MAPK10: variants seen among roughly 807,000 people sequenced by gnomAD.
The protein encoded by MAPK10 is JNK3 alpha protein kinase.
A neutral mutation model predicts 59.3 loss-of-function variants in MAPK10; 25 were observed. The ratio of observed to expected loss-of-function variants is 0.42; its 90% CI spans 0.31 to 0.59. The LOEUF (loss-of-function observed/expected upper bound fraction) is 0.59. MAPK10 is among the 20% of genes least tolerant of loss of function. MAPK10 has a pLI of 0.15. For missense variants in MAPK10, 351 were observed against 568.9 expected (o/e 0.62, Z 3.90); for synonymous variants, 190 against 200.5 (o/e 0.95, Z 0.44).
intron 2 of MAPK10, among the ~76,000 whole-genome samples, chr4:86,308,050 C>T (rs1165166822): frequency 1.3e-5 from 2 of 152,046 alleles, no homozygotes; most frequent in African/African-American, 4.8e-5. Context: ...AAAGGCCTGT[C>T]GAAAATGACT....
At chr4:86,278,245 G>A (rs1026601823) in intron 2 of MAPK10, among the ~76,000 whole-genome samples, 6 of 152,056 alleles carry the variant, frequency 3.9e-5, no homozygotes, top group African/African-American at 1.4e-4. Flanking sequence ...CAAAAGAAAT[G>A]GCCTGGATAC....
intron 11 of MAPK10, among the ~76,000 whole-genome samples, chr4:86,038,687 GC>G (rs1473363850): frequency 6.6e-6 from 1 of 151,876 alleles, no homozygotes; most frequent in African/African-American, 2.4e-5. Context: ...TTGGCTAATG[GC>G]ACAGTTTAGC....
At position 86,310,708 on chromosome 4, in the gene MAPK10, A is replaced by G. The variant is rs551888945; in HGVS notation, c.-7+43822T>C. The stretch of plus-strand genomic sequence containing the variant: ...CCTAAACTTGAGTCTTATTTTTAAT[A>G]TATAGTTCACTTCCTTGAGACACTA... On this transcript the variant is annotated intron_variant, in intron 2 of 13. Coordinates refer to ENST00000641462, the MANE Select transcript of MAPK10 (RefSeq NM_138982.4). Among the ~76,000 whole-genome samples, 14 of 152,270 alleles carry G rather than the reference A, an allele frequency of 9.2e-5. 1 individual carries two copies. The South Asian group carries it at 2.9e-3, about 32-fold the overall frequency.
At chr4:86,204,622 G>A (rs901622034) in intron 2 of MAPK10, among the ~76,000 whole-genome samples, 5 of 151,922 alleles carry the variant, frequency 3.3e-5, no homozygotes, top group Non-Finnish European at 5.9e-5. Flanking sequence ...ACCTCAGAAC[G>A]GTGACAACTT....
chr4:86,314,056 T>C (rs1387788443), intron 2 of MAPK10, among the ~76,000 whole-genome samples: 1 of 152,112 alleles, frequency 6.6e-6, no homozygotes, highest in African/African-American at 2.4e-5. Flanking sequence ...TTTACAGACA[T>C]AATGCTGAGT....
At position 86,101,354 on chromosome 4, in the gene MAPK10, T is replaced by C. The variant is rs73837403; in HGVS notation, c.565-137A>G. On this transcript the variant is annotated intron_variant, in intron 7 of 13. Transcript: ENST00000641462. The stretch of plus-strand genomic sequence containing the variant: ...CCTACAGAGCTCTAAATAAGGCAAA[T>C]GATTACTGCTACAAATAAGTTAACT... 6.7e-3 allele frequency: 3,676 copies of C among 546,856 alleles called. 95 individuals are homozygous for C. The highest frequency in any genetic ancestry group is 0.062 in the African/African-American group (3,310 of 53,464). 33.9% of individuals were successfully genotyped at this position (546,856 alleles called of 1,614,324 possible).
chr4:86,270,918 T>C (rs1197270487), intron 2 of MAPK10, among the ~76,000 whole-genome samples: 1 of 152,122 alleles, frequency 6.6e-6, no homozygotes, highest in African/African-American at 2.4e-5. Context: ...TATTCACTTC[T>C]TGTTGAAATT....
intron 1 of MAPK10, among the ~76,000 whole-genome samples, chr4:86,459,561 A>G (rs1751540812): frequency 6.6e-6 from 1 of 152,236 alleles, no homozygotes. Flanking sequence ...ATAGATAGAT[A>G]GATGATGGAA....
At chr4:86,571,888 T>A (rs1040451170) in intron 1 of MAPK10, among the ~76,000 whole-genome samples, 1 of 152,098 alleles carries the variant, frequency 6.6e-6, no homozygotes, top group Non-Finnish European at 1.5e-5. Context: ...TATAAAGCTT[T>A]TTCCTTTCTT....
intron 1 of MAPK10, among the ~76,000 whole-genome samples, chr4:86,430,208 T>A (rs17418221): frequency 0.25 from 38,606 of 152,040 alleles, 5,670 homozygotes; most frequent in Admixed American, 0.33. Flanking sequence ...TACTCAAGAA[T>A]AATTATTGAT....
At chr4:86,568,545 A>G (rs970168896) in intron 1 of MAPK10, among the ~76,000 whole-genome samples, 1 of 152,170 alleles carries the variant, frequency 6.6e-6, no homozygotes, top group South Asian at 2.1e-4. Flanking sequence ...AAATTATACT[A>G]TAACCAAGGC....
At chr4:86,395,867 CT>C (rs1019003356) in intron 1 of MAPK10, among the ~76,000 whole-genome samples, 1 of 152,210 alleles carries the variant, frequency 6.6e-6, no homozygotes, top group Non-Finnish European at 1.5e-5. Flanking sequence ...GGGCTCCACC[CT>C]TATGGCCTCA....
chr4:86,059,001 T>C (rs902353685), intron 11 of MAPK10, among the ~76,000 whole-genome samples: 3 of 152,208 alleles, frequency 2.0e-5, no homozygotes, highest in African/African-American at 7.2e-5. Flanking sequence ...TTTGCTGAAC[T>C]GCAGGACAAA....
chr4:86,191,194 T>C (rs746629895), intron 3 of MAPK10, among the ~76,000 whole-genome samples: 1 of 152,212 alleles, frequency 6.6e-6, no homozygotes, highest in African/African-American at 2.4e-5. Flanking sequence ...ATAAATGCTA[T>C]GTGGTGTTGA....
chr4:86,441,001 T>C (rs1459523971), intron 1 of MAPK10, among the ~76,000 whole-genome samples: 3 of 152,222 alleles, frequency 2.0e-5, no homozygotes, highest in African/African-American at 7.2e-5. Context: ...TCATAATTAA[T>C]TATTAATAGT....
intron 2 of MAPK10, among the ~76,000 whole-genome samples, chr4:86,214,460 A>C (rs6853248): frequency 0.088 from 12,770 of 144,468 alleles, 1,220 homozygotes; most frequent in African/African-American, 0.24. Flanking sequence ...GTACAATTAT[A>C]TTTGTTCACA....
At position 86,049,802 on chromosome 4, in the gene MAPK10, C is replaced by T. The variant is rs146053456; in HGVS notation, c.1110+14464G>A. 2.6e-3 allele frequency among the ~76,000 whole-genome samples: 393 copies of T among 152,202 alleles called. 3 individuals carry two copies. The highest frequency in any genetic ancestry group is 0.014 in the Middle Eastern group (4 of 294). On this transcript the variant is annotated intron_variant, in intron 11 of 13. Coordinates refer to ENST00000641462, the MANE Select transcript of MAPK10 (RefSeq NM_138982.4). ...TTGTCATCTTTTATTTCAACTACTT[C>T]ACTAGCTTCCTAAATCATCTTTCTA...
intron 1 of MAPK10, among the ~76,000 whole-genome samples, chr4:86,573,563 C>T (rs1761626649): frequency 6.6e-6 from 1 of 152,116 alleles, no homozygotes; most frequent in African/African-American, 2.4e-5. Context: ...AATCATTTTG[C>T]TTATACGAGG....
intron 1 of MAPK10, among the ~76,000 whole-genome samples, chr4:86,381,805 G>T (rs531047477): frequency 6.6e-6 from 1 of 152,252 alleles, no homozygotes; most frequent in Non-Finnish European, 1.5e-5. Context: ...GGGTATAGAG[G>T]AATCACAGTG....
Sources: gnomAD v4.1 joint callset for allele counts (sites outside exome capture counted in the v4.1 genomes callset) on GRCh38, gnomAD v4.1.1 for gene constraint, MANE v1.5 for transcripts, NCBI Gene and HGNC (gene_info 2026-07-23, HGNC 2026-07-21) for gene names.